The following ALDH1L2 variants were observed in gnomAD, a reference collection of about 807,000 sequenced individuals.
The protein encoded by ALDH1L2 is aldehyde dehydrogenase 1 family member L2.
A neutral mutation model predicts 111.0 loss-of-function variants in ALDH1L2; 91 were observed. The ratio of observed to expected loss-of-function variants is 0.82; its 90% confidence interval spans 0.69 to 0.98. ALDH1L2 has a LOEUF of 0.98. ALDH1L2 is among the 50% of genes least tolerant of loss of function. The probability of loss-of-function intolerance (pLI) is 0.00; values close to 1 mark genes in which losing one functional copy is unlikely to be tolerated. For synonymous variants in ALDH1L2, 374 were observed against 392.6 expected, an observed-to-expected ratio of 0.95 and a Z score of 0.56; for missense variants, 995 against 1,126.8, an observed-to-expected ratio of 0.88 and a Z score of 1.67.
chr12:105,033,513 C>G (rs1173483187), intron 19 of ALDH1L2, among the ~76,000 whole-genome samples: 1 of 152,062 alleles, frequency 6.6e-6, no homozygotes, highest in Non-Finnish European at 1.5e-5. Context: ...AGAAAGAATA[C>G]CTTTGGTTTT....
At chr12:105,055,407 AAGC>A (rs1297504612) in intron 10 of ALDH1L2, among the ~76,000 whole-genome samples, 3 of 152,318 alleles carry the variant, frequency 2.0e-5, no homozygotes, top group Admixed American at 6.5e-5. Flanking sequence ...CAACAACAAA[AAGC>A]AGCAGCAGCA....
At chr12:105,059,127 C>T (rs1365693887) in intron 9 of ALDH1L2, among the ~76,000 whole-genome samples, 1 of 151,788 alleles carries the variant, frequency 6.6e-6, no homozygotes, top group Non-Finnish European at 1.5e-5. Context: ...ATTAGCTGGG[C>T]GTGGTGGCAT....
chr12:105,029,618 C>T (rs1874596934), intron 21 of ALDH1L2, among the ~76,000 whole-genome samples: 1 of 152,162 alleles, frequency 6.6e-6, no homozygotes, highest in Non-Finnish European at 1.5e-5. Flanking sequence ...AAAGGTTACT[C>T]ACTACACCTT....
At chr12:105,057,960 C>A in intron 10 of ALDH1L2, 113 bp downstream of exon 10, 1 of 1,250,160 alleles carries the variant, frequency 8.0e-7, no homozygotes, top group Non-Finnish European at 1.1e-6. Flanking sequence ...CTCAGTAAAG[C>A]TGTTGTTTTT....
At position 105,073,936 on chromosome 12, in the gene ALDH1L2, G is replaced by C. The variant is rs1336307856; in HGVS notation, c.118C>G (p.His40Asp). The C allele has an allele frequency of 1.2e-6, 2 of 1,613,994 alleles. No individual in the cohort carries two copies. The highest frequency in any genetic ancestry group is 2.7e-5 in the African/African-American group (2 of 74,894). ...QSLFGQEVYS[H>D]LRKEGHRVVG... ...ACTCGGTGGCCCTCTTTGCGGAGGTGGCTATAGACTTCTTGTCCAAAGAGG... is the reference window on the plus strand; with the variant it reads ...ACTCGGTGGCCCTCTTTGCGGAGGTCGCTATAGACTTCTTGTCCAAAGAGG... Residue 40 changes from histidine (H) to aspartate (D), a missense_variant, in exon 2 of 23, where the codon CAC becomes GAC. His to Asp is a moderately conservative substitution (Grantham distance 81, BLOSUM62 -1). Transcript: ENST00000258494.
chr12:105,060,968 G>A lies in ALDH1L2; in HGVS notation c.1139+13C>T, dbSNP rs1349213152. ...AGGGAATCCCTAGTGAGTCAATAAGGGCGTGGTTTTACCTGGCAACATCCA... is the reference window on the plus strand; with the variant it reads ...AGGGAATCCCTAGTGAGTCAATAAGAGCGTGGTTTTACCTGGCAACATCCA... On this transcript the variant is annotated intron_variant, in intron 9 of 22. Coordinates refer to ENST00000258494, the MANE Select transcript of ALDH1L2 (RefSeq NM_001034173.4). 1 of 1,610,882 alleles carries A rather than the reference G, an allele frequency of 6.2e-7. No individual in the cohort carries two copies. Among genetic ancestry groups the A allele is most frequent in the African/African-American group, 1.3e-5 (1 of 74,802 alleles).
intron 2 of ALDH1L2, among the ~76,000 whole-genome samples, chr12:105,072,171 T>A (rs1449553907): frequency 6.8e-6 from 1 of 147,972 alleles, no homozygotes; most frequent in Non-Finnish European, 1.5e-5. Flanking sequence ...ATAGAAATTA[T>A]GATATCTATT....
In ALDH1L2 at chr12:105,023,436, G is replaced by T. The variant is rs1233339637; in HGVS notation, c.*988C>A. 5 of 152,218 alleles carry T rather than the reference G, an allele frequency of 3.3e-5. No homozygotes were observed. The highest frequency in any genetic ancestry group is 9.7e-5 in the African/African-American group (4 of 41,450). 9.4% of individuals were successfully genotyped at this position (152,218 alleles called of 1,614,324 possible). A position where few individuals can be genotyped will look rare whatever the true frequency, so the allele number is the denominator to read the frequency against. On this transcript the variant is annotated 3_prime_UTR_variant, in exon 23 of 23. Transcript: ENST00000258494. ...ATGAGAAAAATATCTAGGAATTGAT[G>T]ATTGAAAAGGGTTGTGGGAAATGAA...
intron 3 of ALDH1L2, 131 bp from the exon 4 acceptor site, chr12:105,069,015 C>T: frequency 1.1e-6 from 1 of 884,744 alleles, no homozygotes; most frequent in Non-Finnish European, 1.6e-6. Flanking sequence ...GAGAAATTAA[C>T]AGTAGAACTG....
At chr12:105,028,065 G>A (rs779350813) in intron 21 of ALDH1L2, among the ~76,000 whole-genome samples, 7 of 152,050 alleles carry the variant, frequency 4.6e-5, no homozygotes, top group Non-Finnish European at 7.4e-5. Context: ...GCTTAAAAAC[G>A]CACACATTTT....
chr12:105,080,937 C>A (rs571002900), intron 1 of ALDH1L2, among the ~76,000 whole-genome samples: 5 of 152,182 alleles, frequency 3.3e-5, no homozygotes, highest in African/African-American at 1.2e-4. Context: ...AACCATGAAT[C>A]GAAAACATTT....
At chr12:105,041,090 A>G (rs1875503721) in intron 15 of ALDH1L2, among the ~76,000 whole-genome samples, 7 of 152,370 alleles carry the variant, frequency 4.6e-5, no homozygotes, top group Admixed American at 3.3e-4. Flanking sequence ...CCATAGTACA[A>G]TCATCAAAAT....
At chr12:105,030,265 A>G in intron 21 of ALDH1L2, 59 bp downstream of exon 21, 1 of 1,374,558 alleles carries the variant, frequency 7.3e-7, no homozygotes. Flanking sequence ...CACAGTGGCA[A>G]AGGGGAAAAA....
At chr12:105,060,006 G>A (rs1170346870) in intron 9 of ALDH1L2, among the ~76,000 whole-genome samples, 1 of 152,134 alleles carries the variant, frequency 6.6e-6, no homozygotes, top group African/African-American at 2.4e-5. Flanking sequence ...GCACCAGTAG[G>A]ATCCTGGTCC....
At chr12:105,024,657 G>T (rs1476012675) in intron 22 of ALDH1L2, among the ~76,000 whole-genome samples, 178 bp from the exon 23 acceptor site, 1 of 152,196 alleles carries the variant, frequency 6.6e-6, no homozygotes, top group African/African-American at 2.4e-5. Flanking sequence ...CTGTTAAGTT[G>T]CAGATCCTGA....
intron 5 of ALDH1L2, among the ~76,000 whole-genome samples, chr12:105,065,977 G>GTTTTTGT (rs901174332): frequency 6.6e-6 from 1 of 152,006 alleles, no homozygotes; most frequent in Non-Finnish European, 1.5e-5. Flanking sequence ...ATGGCTCCAG[G>GTTTTTGT]TTTTTGTTTT....
intron 6 of ALDH1L2, among the ~76,000 whole-genome samples, chr12:105,063,967 C>CT (rs201497480): frequency 0.61 from 82,393 of 135,424 alleles, 25,315 homozygotes; most frequent in East Asian, 0.76. Context: ...TGTATTAATT[C>CT]TTTTTTTTTT....
chr12:105,040,599 T>C lies in ALDH1L2; in HGVS notation c.1951+8A>G. 6 of 1,614,016 alleles carry C rather than the reference T, an allele frequency of 3.7e-6. No individual in the cohort carries two copies. Among genetic ancestry groups the C allele is most frequent in the Non-Finnish European group, 5.1e-6 (6 of 1,179,870 alleles). On this transcript the variant is annotated splice_region_variant and intron_variant, in intron 16 of 22. Transcript: ENST00000258494. ...AGTTATAGCACAGTCGGTCATTTAG[T>C]GGCTTACCTGAGCCTGGAATGATGT...
At chr12:105,081,068 G>A (rs938811804) in intron 1 of ALDH1L2, among the ~76,000 whole-genome samples, 5 of 151,976 alleles carry the variant, frequency 3.3e-5, no homozygotes, top group Non-Finnish European at 5.9e-5. Context: ...AGTTATCTAC[G>A]GATGATTTAA....
Sources: allele counts gnomAD v4.1 joint callset (sites outside exome capture counted in the v4.1 genomes callset), GRCh38; gene constraint gnomAD v4.1.1; transcripts MANE v1.5; gene names NCBI Gene and HGNC (gene_info 2026-07-23, HGNC 2026-07-21).